LIMA1: variants seen among roughly 807,000 people sequenced by gnomAD.
LIMA1 encodes LIM domain and actin binding 1.
Under a neutral mutation model 62.6 loss-of-function variants are expected in LIMA1, and 52 were observed. The observed-to-expected ratio is 0.83, with a 90% confidence interval of 0.67 to 1.05. LIMA1 has a LOEUF of 1.05. LIMA1 is among the 50% of genes least tolerant of loss of function. The pLI is 0.00. For synonymous variants in LIMA1, 302 were observed against 317.8 expected, an observed-to-expected ratio of 0.95 and a Z score of 0.53; for missense variants, 780 against 902.2, an observed-to-expected ratio of 0.86 and a Z score of 1.74.
intron 2 of LIMA1, 140 bp downstream of exon 2, chr12:50,248,493 A>T (rs1030783164): frequency 4.0e-5 from 24 of 598,576 alleles, no homozygotes; most frequent in Non-Finnish European, 1.5e-5. Context: ...CCTTCTCCAC[A>T]GTACCTCATA....
chr12:50,239,113 A>G (rs1941737365), intron 2 of LIMA1, among the ~76,000 whole-genome samples: 1 of 152,224 alleles, frequency 6.6e-6, no homozygotes, highest in Non-Finnish European at 1.5e-5. Flanking sequence ...AGAAATAACC[A>G]AAACAGACAT....
chr12:50,269,133 C>T (rs534621392), intron 1 of LIMA1, among the ~76,000 whole-genome samples: 1 of 152,238 alleles, frequency 6.6e-6, no homozygotes, highest in South Asian at 2.1e-4. Flanking sequence ...TCTCTTAGCA[C>T]ATTGCTAAAA....
At position 50,217,590 on chromosome 12, in the gene LIMA1, C is replaced by T. The variant is rs191753949; in HGVS notation, c.630+4431G>A. ...AGAACTCTGCTCCTTATATGGGCTTCGGTGGCAGTCATGGGGCAGCACCGC... is the reference window on the plus strand; with the variant it reads ...AGAACTCTGCTCCTTATATGGGCTTTGGTGGCAGTCATGGGGCAGCACCGC... On this transcript the variant is annotated intron_variant, in intron 4 of 10. Coordinates refer to ENST00000341247, the MANE Select transcript of LIMA1 (RefSeq NM_016357.5). 252 of 161,998 alleles carry T rather than the reference C, an allele frequency of 1.6e-3. 2 individuals carry two copies. The highest frequency in any genetic ancestry group is 5.8e-3 in the African/African-American group (242 of 41,528). The allele number at this position is 161,998 out of a possible 1,614,324, so 10.0% of individuals were successfully genotyped here. A position where few individuals can be genotyped will look rare whatever the true frequency, so the allele number is the denominator to read the frequency against.
At chr12:50,203,306 G>A (rs764225393) in intron 6 of LIMA1, among the ~76,000 whole-genome samples, 18 of 151,482 alleles carry the variant, frequency 1.2e-4, no homozygotes, top group Middle Eastern at 3.5e-3. Context: ...GAGCTCCTGC[G>A]CCTGGCTATA....
chr12:50,193,677 T>A lies in LIMA1; in HGVS notation c.1031-1116A>T, dbSNP rs1215445905. On this transcript the variant is annotated intron_variant, in intron 8 of 10. Transcript: ENST00000341247. ...ATATATATATATATATTTTTTTTTT[T>A]TTTTTTTTTCAGAGTCTCACTCTGT... is the stretch of plus-strand genomic sequence containing the variant. Among the ~76,000 whole-genome samples, 45 of 132,742 alleles carry A rather than the reference T, an allele frequency of 3.4e-4. 3 individuals are homozygous for A. Among genetic ancestry groups the A allele is most frequent in the African/African-American group, 1.2e-3 (43 of 35,290 alleles). The allele number at this position is 132,742 out of a possible 152,430, so 87.1% of individuals were successfully genotyped here.
intron 1 of LIMA1, among the ~76,000 whole-genome samples, chr12:50,256,508 T>G (rs1388232689): frequency 6.6e-6 from 1 of 152,200 alleles, no homozygotes; most frequent in African/African-American, 2.4e-5. Flanking sequence ...TTTATTGAAA[T>G]TCCACCAGTT....
intron 2 of LIMA1, among the ~76,000 whole-genome samples, chr12:50,247,271 T>C (rs941703448): frequency 1.3e-5 from 2 of 152,054 alleles, no homozygotes; most frequent in Non-Finnish European, 2.9e-5. Context: ...ATGAAGTGAA[T>C]GTGGTAAAAG....
At chr12:50,207,020 G>C (rs573903466) in intron 4 of LIMA1, among the ~76,000 whole-genome samples, 2 of 152,112 alleles carry the variant, frequency 1.3e-5, no homozygotes, top group African/African-American at 4.8e-5. Context: ...CGCCTCCCAG[G>C]TTCAAGTGAT....
At chr12:50,250,416 C>T (rs1941913847) in intron 1 of LIMA1, among the ~76,000 whole-genome samples, 1 of 151,092 alleles carries the variant, frequency 6.6e-6, no homozygotes, top group African/African-American at 2.4e-5. Context: ...ATAGCAAGAC[C>T]CCCTCTTCTC....
intron 7 of LIMA1, among the ~76,000 whole-genome samples, chr12:50,196,507 T>C (rs1940933727): frequency 6.6e-6 from 1 of 152,180 alleles, no homozygotes; most frequent in African/African-American, 2.4e-5. Flanking sequence ...TAGGTGTATA[T>C]ATCATTTTCT....
intron 2 of LIMA1, among the ~76,000 whole-genome samples, chr12:50,237,461 A>G (rs1941712621): frequency 6.6e-6 from 1 of 152,074 alleles, no homozygotes; most frequent in South Asian, 2.1e-4. Context: ...ACATGGTGAA[A>G]CCCCATCTCT....
intron 1 of LIMA1, among the ~76,000 whole-genome samples, chr12:50,255,017 T>C (rs1334555205): frequency 1.3e-5 from 2 of 148,400 alleles, no homozygotes; most frequent in Non-Finnish European, 3.0e-5. Flanking sequence ...CACAAGACTC[T>C]GTCTCAAAAC....
intron 1 of LIMA1, among the ~76,000 whole-genome samples, chr12:50,255,901 T>A (rs556526079): frequency 6.6e-5 from 10 of 152,278 alleles, no homozygotes; most frequent in South Asian, 2.1e-4. Flanking sequence ...TTATTTATTT[T>A]TTTTTTGAGA....
chr12:50,177,289 G>A lies in LIMA1; in HGVS notation c.2055C>T (p.Asp685=). 2 of 1,614,158 alleles carry A rather than the reference G, an allele frequency of 1.2e-6. No individual in the cohort carries two copies. The highest frequency in any genetic ancestry group is 2.2e-5 in the South Asian group (2 of 91,078). The change falls in exon 11 of 11, where the codon GAC becomes GAT. Residue 685 remains aspartate (D), a synonymous_variant. Coordinates refer to ENST00000341247, the MANE Select transcript of LIMA1 (RefSeq NM_016357.5). ...ENENLVENGA[D]SDEDDNSFLK... is the part of the protein sequence containing the mutation. ...GGAAGCTGTTATCATCTTCATCGGA[G>A]TCTGCACCATTTTCTACAAGATTCT...
chr12:50,198,088 T>C (rs1940968546), intron 7 of LIMA1, among the ~76,000 whole-genome samples: 1 of 152,250 alleles, frequency 6.6e-6, no homozygotes, highest in African/African-American at 2.4e-5. Flanking sequence ...AAATAAACTA[T>C]TCTAATATTT....
chr12:50,250,452 C>A (rs538106254), intron 1 of LIMA1, among the ~76,000 whole-genome samples: 1 of 149,298 alleles, frequency 6.7e-6, no homozygotes, highest in South Asian at 2.1e-4. Flanking sequence ...ATTAGCTGGG[C>A]GTGGTGGCAC....
chr12:50,281,626 AG>A (rs1942341084), intron 1 of LIMA1, among the ~76,000 whole-genome samples: 1 of 152,230 alleles, frequency 6.6e-6, no homozygotes, highest in Admixed American at 6.5e-5. Context: ...AATACAGAAC[AG>A]TGGAAACAGA....
intron 9 of LIMA1, among the ~76,000 whole-genome samples, chr12:50,191,614 G>A (rs1016086261): frequency 6.6e-6 from 1 of 152,102 alleles, no homozygotes; most frequent in African/African-American, 2.4e-5. Context: ...GAGGTCAGGA[G>A]ATTGAGACCA....
chr12:50,250,265 A>C (rs1396653799), intron 1 of LIMA1, among the ~76,000 whole-genome samples: 1 of 141,934 alleles, frequency 7.0e-6, no homozygotes, highest in Non-Finnish European at 1.5e-5. Flanking sequence ...ACTCCAGCCC[A>C]GGCAACAAGG....
Sources: allele counts gnomAD v4.1 joint callset (sites outside exome capture counted in the v4.1 genomes callset), GRCh38; gene constraint gnomAD v4.1.1; transcripts MANE v1.5; gene names NCBI Gene and HGNC (gene_info 2026-07-23, HGNC 2026-07-21).